Variants in MDN1 observed in about 807,000 individuals in gnomAD.
The protein encoded by MDN1 is midasin.
A neutral mutation model predicts 669.2 loss-of-function variants in MDN1; 266 were observed. The observed-to-expected ratio is 0.40, with a 90% CI of 0.36 to 0.44. The LOEUF is 0.44. MDN1 is among the 20% of genes least tolerant of loss of function. The pLI, the probability that MDN1 is intolerant of heterozygous loss-of-function variation, is 1.00. For missense variants in MDN1, 5,940 were observed against 6,754.0 expected (o/e 0.88, Z 4.22); for synonymous variants, 2,385 against 2,457.1 (o/e 0.97, Z 0.87).
At chr6:89,663,299 A>T (rs1809939285) in intron 85 of MDN1, among the ~76,000 whole-genome samples, 1 of 152,134 alleles carries the variant, frequency 6.6e-6, no homozygotes, top group Non-Finnish European at 1.5e-5. Flanking sequence ...ATGGGGTTGG[A>T]CTAGGTGGTT....
At chr6:89,731,165 A>G (rs1307543183) in intron 34 of MDN1, among the ~76,000 whole-genome samples, 1 of 152,264 alleles carries the variant, frequency 6.6e-6, no homozygotes, top group East Asian at 1.9e-4. Flanking sequence ...GTGATAAATC[A>G]GCCTACATAC....
Position 89,652,995 on chromosome 6 carries a change from G to C in MDN1, c.15822C>G (p.Phe5274Leu). The change falls in exon 94 of 102, where the codon TTC becomes TTG. Residue 5274 changes from phenylalanine to leucine, a missense_variant. Physicochemically the swap from Phe to Leu is conservative, Grantham distance 22. Transcript: ENST00000369393. ...AGTAATTTGTGAGTTTTACTACCTG[G>C]AAGATCGTGTCCATGAGGAATTGAT... ...TAHQFLMDTI[F>L]QPFLKDVNEL... 6.2e-7 allele frequency: 1 copy of C among 1,612,586 alleles called. No homozygotes were observed. The highest frequency in any genetic ancestry group is 8.5e-7 in the Non-Finnish European group (1 of 1,179,614).
At chr6:89,750,059 C>T (rs558421981) in intron 24 of MDN1, among the ~76,000 whole-genome samples, 4 of 152,280 alleles carry the variant, frequency 2.6e-5, no homozygotes, top group African/African-American at 4.8e-5. Context: ...TTCCCAACTT[C>T]CTTTTGGCTA....
At chr6:89,690,885 C>G in intron 63 of MDN1, 51 bp from the exon 64 acceptor site, 1 of 1,579,296 alleles carries the variant, frequency 6.3e-7, no homozygotes. Flanking sequence ...CTGAGGCATT[C>G]ACAAAGGCAA....
intron 37 of MDN1, among the ~76,000 whole-genome samples, chr6:89,727,415 T>C (rs1344945376): frequency 3.9e-5 from 6 of 152,230 alleles, no homozygotes; most frequent in Non-Finnish European, 8.8e-5. Flanking sequence ...TTACCCCATA[T>C]GCACACATAA....
intron 84 of MDN1, among the ~76,000 whole-genome samples, chr6:89,665,706 C>CAAAA (rs61352567): frequency 4.7e-4 from 59 of 126,176 alleles, no homozygotes; most frequent in Non-Finnish European, 7.2e-4. Context: ...GACTCCGTTT[C>CAAAA]AAAAAAAAAA....
chr6:89,784,282 C>G (rs188410871), intron 9 of MDN1, among the ~76,000 whole-genome samples: 1 of 152,100 alleles, frequency 6.6e-6, no homozygotes, highest in Admixed American at 6.6e-5. Context: ...CGCCATTGCA[C>G]TCCAGCCTGG....
intron 38 of MDN1, among the ~76,000 whole-genome samples, chr6:89,724,480 G>C (rs953985483): frequency 6.6e-6 from 1 of 152,028 alleles, no homozygotes; most frequent in Non-Finnish European, 1.5e-5. Context: ...ACGGGGTTTC[G>C]CCATATTGGC....
chr6:89,676,689 G>A (rs375598328), intron 76 of MDN1, among the ~76,000 whole-genome samples: 2 of 152,160 alleles, frequency 1.3e-5, no homozygotes, highest in Non-Finnish European at 2.9e-5. Flanking sequence ...AGCCCACTTC[G>A]TGAATTTTCC....
intron 62 of MDN1, 115 bp downstream of exon 62, chr6:89,693,959 T>TA: frequency 1.3e-6 from 1 of 799,116 alleles, no homozygotes; most frequent in Admixed American, 2.1e-5. Flanking sequence ...CTTTGGCATC[T>TA]AATTGCTAAT....
intron 50 of MDN1, among the ~76,000 whole-genome samples, 164 bp from the exon 51 acceptor site, chr6:89,708,792 A>T (rs1813690034): frequency 6.6e-6 from 1 of 152,190 alleles, no homozygotes; most frequent in Non-Finnish European, 1.5e-5. Flanking sequence ...ATAATACTAG[A>T]ATAGCAGGGT....
Position 89,691,836 on chromosome 6 carries a change from C to T in MDN1, c.10587+607G>A, listed in dbSNP as rs553964495. ...GGTGGGGATTAGAATCTACCTTAAC[C>T]GGAGCAACTCTTTTTTTCTGTTAAC... is the stretch of plus-strand genomic sequence containing the variant. On this transcript the variant is annotated intron_variant, in intron 63 of 101. Transcript: ENST00000369393. Among the ~76,000 whole-genome samples the T allele has an allele frequency of 2.6e-5, 4 of 152,104 alleles. No homozygotes were observed. The East Asian group carries it at 7.7e-4, about 29-fold the overall frequency.
chr6:89,748,011 T>C (rs923613052), intron 26 of MDN1, among the ~76,000 whole-genome samples: 2 of 152,038 alleles, frequency 1.3e-5, no homozygotes, highest in African/African-American at 4.8e-5. Flanking sequence ...ACATTTCTTA[T>C]GCCACATAGA....
chr6:89,711,057 C>T (rs1813878572), intron 49 of MDN1, among the ~76,000 whole-genome samples: 2 of 152,156 alleles, frequency 1.3e-5, no homozygotes, highest in African/African-American at 4.8e-5. Context: ...AAATTCTCTA[C>T]ATATATTTAG....
At chr6:89,707,789 T>C (rs1466858996) in intron 51 of MDN1, among the ~76,000 whole-genome samples, 1 of 151,910 alleles carries the variant, frequency 6.6e-6, no homozygotes, top group East Asian at 1.9e-4. Flanking sequence ...AGCAGAGGAG[T>C]AGGGGGCTGG....
At chr6:89,778,887 A>AAAAT (rs548314772) in intron 11 of MDN1, among the ~76,000 whole-genome samples, 10,400 of 130,214 alleles carry the variant, frequency 0.08, 568 homozygotes, top group Non-Finnish European at 0.096. Context: ...CTATGTCTCA[A>AAAAT]AAATAAATAA....
chr6:89,696,026 G>C (rs1562103042), intron 60 of MDN1, 34 bp from the exon 61 acceptor site: 3 of 1,567,870 alleles, frequency 1.9e-6, no homozygotes, highest in Non-Finnish European at 2.6e-6. Context: ...TGAAAGGTTT[G>C]TACTGTATCA....
intron 22 of MDN1, among the ~76,000 whole-genome samples, chr6:89,752,380 A>C (rs921258992): frequency 6.6e-6 from 1 of 152,238 alleles, no homozygotes; most frequent in Non-Finnish European, 1.5e-5. Context: ...GTCTTTACTC[A>C]ATGTTTTTAC....
intron 50 of MDN1, among the ~76,000 whole-genome samples, 168 bp from the exon 51 acceptor site, chr6:89,708,796 G>T (rs955356548): frequency 3.3e-5 from 5 of 152,092 alleles, no homozygotes; most frequent in Non-Finnish European, 5.9e-5. Flanking sequence ...TACTAGAATA[G>T]CAGGGTTTAA....
Sources: allele counts gnomAD v4.1 joint callset (sites outside exome capture counted in the v4.1 genomes callset), GRCh38; gene constraint gnomAD v4.1.1; transcripts MANE v1.5; gene names NCBI Gene and HGNC (gene_info 2026-07-23, HGNC 2026-07-21).